DHX40: variants seen among roughly 807,000 people sequenced by gnomAD.
The protein encoded by DHX40 is DEAH-box helicase 40.
In DHX40, 28 loss-of-function variants were observed where a neutral mutation model predicts 89.6. That is an observed-to-expected ratio of 0.31 (90% confidence interval 0.23 to 0.43). DHX40 has a LOEUF of 0.43. DHX40 is among the 20% of genes least tolerant of loss of function. The pLI, the probability that DHX40 is intolerant of heterozygous loss-of-function variation, is 1.00. For synonymous variants in DHX40, 226 were observed against 283.6 expected (o/e 0.80, Z 2.04); for missense variants, 457 against 844.0 (o/e 0.54, Z 5.68).
chr17:59,590,764 C>G (rs1323237943), intron 12 of DHX40, among the ~76,000 whole-genome samples: 1 of 151,828 alleles, frequency 6.6e-6, no homozygotes, highest in African/African-American at 2.4e-5. Context: ...GCCATTGCAC[C>G]CAGCAGTTGC....
chr17:59,572,702 GAA>G (rs2143221063), intron 3 of DHX40, among the ~76,000 whole-genome samples: 1 of 152,272 alleles, frequency 6.6e-6, no homozygotes, highest in South Asian at 2.1e-4. Flanking sequence ...TTTTAATAGA[GAA>G]GAGGAGAGAG....
At chr17:59,600,824 A>G (rs975755116) in intron 14 of DHX40, among the ~76,000 whole-genome samples, 1 of 151,394 alleles carries the variant, frequency 6.6e-6, no homozygotes, top group African/African-American at 2.4e-5. Context: ...AGCCTGGGCA[A>G]CAGAGCAGCA....
In DHX40 at chr17:59,606,638, C is replaced by T. The variant is rs187181579; in HGVS notation, c.2201-395C>T. Among the ~76,000 whole-genome samples, 191 of 151,042 alleles carry T rather than the reference C, an allele frequency of 1.3e-3. 1 individual carries two copies. The highest frequency in any genetic ancestry group is 3.4e-3 in the Middle Eastern group (1 of 290). On this transcript the variant is annotated intron_variant, in intron 17 of 17. Coordinates refer to ENST00000251241, the MANE Select transcript of DHX40 (RefSeq NM_024612.5). ...GCGGGCGCCTGTAGTCCCAGCTACT[C>T]GGGAGGCTGAGGCAGGAGAATGGCG...
intron 12 of DHX40, among the ~76,000 whole-genome samples, chr17:59,595,233 G>A (rs1171628361): frequency 1.3e-5 from 2 of 151,502 alleles, no homozygotes; most frequent in Non-Finnish European, 2.9e-5. Flanking sequence ...ACAGGCATGT[G>A]CCACCATGCC....
At chr17:59,572,260 T>C (rs1414266488) in intron 3 of DHX40, among the ~76,000 whole-genome samples, 1 of 152,192 alleles carries the variant, frequency 6.6e-6, no homozygotes, top group Non-Finnish European at 1.5e-5. Context: ...CAAAATACTA[T>C]CTTTTTGCCT....
intron 16 of DHX40, 42 bp downstream of exon 16, chr17:59,605,226 T>C: frequency 6.3e-7 from 1 of 1,581,070 alleles, no homozygotes; most frequent in Non-Finnish European, 8.7e-7. Flanking sequence ...ATTTGTAAAG[T>C]TGTAGAAATA....
intron 14 of DHX40, among the ~76,000 whole-genome samples, chr17:59,601,069 C>G (rs978813144): frequency 6.6e-6 from 1 of 150,764 alleles, no homozygotes; most frequent in African/African-American, 2.4e-5. Context: ...TTTGGGAAGC[C>G]GTAGTGTGGG....
rs897243882 is a variant in DHX40 at position 59,605,698 on chromosome 17, C to T, written c.2200+24C>T. ...GGGTGAGTAAATCATTTGTTCTACT[C>T]TTAACCACTATGCCATACTGCTTCC... On this transcript the variant is annotated intron_variant, in intron 17 of 17. Coordinates refer to ENST00000251241, the MANE Select transcript of DHX40 (RefSeq NM_024612.5). 3.1e-6 allele frequency: 5 copies of T among 1,588,474 alleles called. No homozygotes were observed. In the African/African-American group the frequency reaches 5.4e-5, roughly 17 times the overall value.
At chr17:59,572,338 C>T (rs112268563) in intron 3 of DHX40, among the ~76,000 whole-genome samples, 34 of 152,196 alleles carry the variant, frequency 2.2e-4, no homozygotes, top group African/African-American at 8.2e-4. Flanking sequence ...GTTATTCCTA[C>T]CCTTTGGACC....
chr17:59,569,049 C>T (rs1002474547), intron 2 of DHX40, among the ~76,000 whole-genome samples: 1 of 152,066 alleles, frequency 6.6e-6, no homozygotes, highest in Non-Finnish European at 1.5e-5. Flanking sequence ...CAGTTTTAGG[C>T]TGGGTGCAGT....
intron 10 of DHX40, among the ~76,000 whole-genome samples, chr17:59,585,576 A>G (rs2048982409): frequency 6.7e-6 from 1 of 149,424 alleles, no homozygotes; most frequent in Admixed American, 6.6e-5. Context: ...ACAAAAAATT[A>G]GCTAGGCGTG....
chr17:59,590,607 C>G (rs1465864535), intron 12 of DHX40, among the ~76,000 whole-genome samples: 1 of 151,468 alleles, frequency 6.6e-6, no homozygotes, highest in Non-Finnish European at 1.5e-5. Context: ...GCAGCTGGGA[C>G]CACAGATGCT....
chr17:59,571,918 AC>A (rs2048815588), intron 3 of DHX40, among the ~76,000 whole-genome samples: 1 of 152,068 alleles, frequency 6.6e-6, no homozygotes, highest in South Asian at 2.1e-4. Flanking sequence ...TACTCCGGGT[AC>A]CTCATTCAAG....
chr17:59,570,146 ATT>A (rs1425776752), intron 2 of DHX40, among the ~76,000 whole-genome samples: 1 of 129,612 alleles, frequency 7.7e-6, no homozygotes, highest in Non-Finnish European at 1.6e-5. Flanking sequence ...TATATTATAA[ATT>A]ATATAATACA....
chr17:59,586,393 T>G (rs1261931604), intron 11 of DHX40, among the ~76,000 whole-genome samples, 160 bp downstream of exon 11: 2 of 152,154 alleles, frequency 1.3e-5, no homozygotes, highest in East Asian at 3.8e-4. Flanking sequence ...CCGGGCGCTG[T>G]GGCTCATACC....
chr17:59,573,235 A>T lies in DHX40; in HGVS notation c.546A>T (p.Thr182=), dbSNP rs1199326417. Residue 182 remains threonine, a splice_region_variant and synonymous_variant, in exon 4 of 18, where the codon ACA becomes ACT. Transcript: ENST00000251241. Reference sequence around the variant, plus strand: ...AAGCCCATGAAAGAACTCTAACTACAGTGAGTATTTTAATTTATTATTATT... The same window carrying T: ...AAGCCCATGAAAGAACTCTAACTACTGTGAGTATTTTAATTTATTATTATT... The part of the protein sequence containing the change: ...LDEAHERTLT[T]DILFGLLKKL... 1 of 1,600,138 alleles carries T rather than the reference A, an allele frequency of 6.2e-7. No homozygotes were observed.
At chr17:59,569,596 G>C (rs913754964) in intron 2 of DHX40, among the ~76,000 whole-genome samples, 3 of 148,866 alleles carry the variant, frequency 2.0e-5, no homozygotes, top group Non-Finnish European at 4.4e-5. Context: ...TGAGGCAGGA[G>C]AATCGCTTGA....
At chr17:59,570,797 C>G in intron 3 of DHX40, 134 bp downstream of exon 3, 1 of 832,754 alleles carries the variant, frequency 1.2e-6, no homozygotes, top group South Asian at 2.6e-5. Flanking sequence ...GATCTCCTAC[C>G]TCAGCCCCTT....
At chr17:59,605,003 T>C (rs1212711309) in intron 15 of DHX40, 112 bp from the exon 16 acceptor site, 1 of 849,084 alleles carries the variant, frequency 1.2e-6, no homozygotes, top group East Asian at 2.6e-5. Context: ...CCTCTGCTTA[T>C]AATGCTGTTT....
Sources: allele counts gnomAD v4.1 joint callset (sites outside exome capture counted in the v4.1 genomes callset), GRCh38; gene constraint gnomAD v4.1.1; transcripts MANE v1.5; gene names NCBI Gene and HGNC (gene_info 2026-07-23, HGNC 2026-07-21).